Variants in TNFRSF11A observed in about 807,000 individuals in gnomAD.
TNFRSF11A encodes TNF receptor superfamily member 11a.
In TNFRSF11A, 32 loss-of-function variants were observed where a neutral mutation model predicts 55.7. The ratio of observed to expected loss-of-function variants is 0.57; its 90% confidence interval spans 0.43 to 0.77. TNFRSF11A has a LOEUF of 0.77. Ranked by LOEUF, TNFRSF11A falls within the 30% of genes least tolerant of loss-of-function variation. TNFRSF11A has a pLI of 0.00. For missense variants in TNFRSF11A, 753 were observed against 809.8 expected (o/e 0.93, Z 0.85); for synonymous variants, 311 against 331.0 (o/e 0.94, Z 0.65).
At chr18:62,374,570 C>A (rs749928649) in intron 9 of TNFRSF11A, among the ~76,000 whole-genome samples, 1 of 152,244 alleles carries the variant, frequency 6.6e-6, no homozygotes, top group Non-Finnish European at 1.5e-5. Context: ...TGGCATAGTT[C>A]TTGTGATTTA....
chr18:62,366,238 T>C (rs888974594), intron 7 of TNFRSF11A, among the ~76,000 whole-genome samples: 6 of 152,234 alleles, frequency 3.9e-5, no homozygotes, highest in Admixed American at 3.9e-4. Flanking sequence ...GTGGTCATAA[T>C]ACTGAGCCTG....
In TNFRSF11A at chr18:62,354,440, C is replaced by G. The variant is rs1355572456; in HGVS notation, c.333C>G (p.Arg111=). 4 of 1,598,734 alleles carry G rather than the reference C, an allele frequency of 2.5e-6. No individual in the cohort carries two copies. The highest frequency in any genetic ancestry group is 3.4e-6 in the Non-Finnish European group (4 of 1,178,228). ...CCGGCAACAGCACGACCCCCCGGCG[C>G]TGCGCGTGCACGGCTGGGTACCACT... The part of the protein sequence containing the change: ...VVAGNSTTPR[R]CACTAGYHWS... The change falls in exon 4 of 10, where the codon CGC becomes CGG. Residue 111 remains arginine (R), a synonymous_variant. Coordinates refer to ENST00000586569, the MANE Select transcript of TNFRSF11A (RefSeq NM_003839.4).
chr18:62,375,491 A>G (rs1485149103), intron 9 of TNFRSF11A, among the ~76,000 whole-genome samples: 1 of 152,204 alleles, frequency 6.6e-6, no homozygotes, highest in African/African-American at 2.4e-5. Flanking sequence ...ACTTTTGGGT[A>G]GCCTTCAAAT....
intron 2 of TNFRSF11A, 34 bp from the exon 3 acceptor site, chr18:62,349,778 T>C (rs76735190): frequency 6.2e-7 from 1 of 1,612,922 alleles, no homozygotes; most frequent in South Asian, 1.1e-5. Context: ...TTTGGTTTTT[T>C]GATGGTTGCA....
At chr18:62,351,794 G>A (rs2046476819) in intron 3 of TNFRSF11A, among the ~76,000 whole-genome samples, 1 of 152,148 alleles carries the variant, frequency 6.6e-6, no homozygotes, top group Non-Finnish European at 1.5e-5. Context: ...TGCAGTTATT[G>A]TTGCTGTTGT....
At chr18:62,361,864 T>C in intron 7 of TNFRSF11A, 71 bp downstream of exon 7, 1 of 1,338,688 alleles carries the variant, frequency 7.5e-7, no homozygotes, top group Admixed American at 1.7e-5. Flanking sequence ...CTTTGGAAGT[T>C]GAGTAGATTG....
intron 9 of TNFRSF11A, among the ~76,000 whole-genome samples, chr18:62,382,700 C>T (rs369284225): frequency 6.6e-6 from 1 of 152,076 alleles, no homozygotes; most frequent in Non-Finnish European, 1.5e-5. Flanking sequence ...ATTTTGAAAC[C>T]AGAAGTCCTT....
rs2046503032 is a variant in TNFRSF11A at position 62,353,433 on chromosome 18, A to G, written c.284-958A>G. ...AGTTGGGGGCTGTTGTAAGCAGGGAAATCACCAACAAAAAGCTCGTTTACC... is the reference window on the plus strand; with the variant it reads ...AGTTGGGGGCTGTTGTAAGCAGGGAGATCACCAACAAAAAGCTCGTTTACC... On this transcript the variant is annotated intron_variant, in intron 3 of 9. Coordinates refer to ENST00000586569, the MANE Select transcript of TNFRSF11A (RefSeq NM_003839.4). Among the ~76,000 whole-genome samples, 3 of 152,284 alleles carry G rather than the reference A, an allele frequency of 2.0e-5. No individual in the cohort carries two copies. In the South Asian group the frequency reaches 6.2e-4, roughly 32 times the overall value.
chr18:62,390,911 T>C lies in TNFRSF11A; in HGVS notation c.*5877T>C, dbSNP rs954876772. 2 of 152,250 alleles carry C rather than the reference T, an allele frequency of 1.3e-5. No individual in the cohort carries two copies. The highest frequency in any genetic ancestry group is 2.9e-5 in the Non-Finnish European group (2 of 68,050). 9.4% of individuals were successfully genotyped at this position (152,250 alleles called of 1,614,324 possible). On this transcript the variant is annotated 3_prime_UTR_variant, in exon 10 of 10. Coordinates refer to ENST00000586569, the MANE Select transcript of TNFRSF11A (RefSeq NM_003839.4). ...ATTCACCCTTTTTAGATATATAGTTTTATGAGTTTTAACAAAAATACATAG... is the reference window on the plus strand; with the variant it reads ...ATTCACCCTTTTTAGATATATAGTTCTATGAGTTTTAACAAAAATACATAG...
intron 9 of TNFRSF11A, among the ~76,000 whole-genome samples, chr18:62,371,360 AAG>A (rs375010915): frequency 4.7e-4 from 72 of 151,940 alleles, no homozygotes; most frequent in African/African-American, 1.5e-3. Flanking sequence ...GCCAGATTTA[AAG>A]AGAGAGAGAG....
intron 9 of TNFRSF11A, among the ~76,000 whole-genome samples, chr18:62,376,779 T>G (rs1306565833): frequency 2.0e-5 from 3 of 152,248 alleles, no homozygotes; most frequent in Non-Finnish European, 4.4e-5. Context: ...ATCTTTCTAC[T>G]GTCTCCATAG....
intron 1 of TNFRSF11A, among the ~76,000 whole-genome samples, chr18:62,331,148 G>T (rs1403686170): frequency 2.0e-5 from 3 of 152,062 alleles, no homozygotes; most frequent in Non-Finnish European, 4.4e-5. Flanking sequence ...AGGTTACAGT[G>T]AACCGAGTGG....
At chr18:62,363,285 A>G (rs1400286641) in intron 7 of TNFRSF11A, among the ~76,000 whole-genome samples, 1 of 152,022 alleles carries the variant, frequency 6.6e-6, no homozygotes, top group East Asian at 1.9e-4. Context: ...AACACTAGAC[A>G]ATCAGAAGAT....
chr18:62,333,950 C>T (rs181435349), intron 1 of TNFRSF11A, among the ~76,000 whole-genome samples: 164 of 152,096 alleles, frequency 1.1e-3, no homozygotes, highest in African/African-American at 3.6e-3. Flanking sequence ...CTGCAACCTC[C>T]GCCTCCCCCA....
rs1471099435 is a variant in TNFRSF11A at position 62,325,537 on chromosome 18, G to T, written c.75+110G>T. ...GCTCCTCCGCCTTCCGAGAGGAGCC[G>T]GAGTTTTGGGGAGCGGAGGCCGTGG... On this transcript the variant is annotated intron_variant, in intron 1 of 9. Coordinates refer to ENST00000586569, the MANE Select transcript of TNFRSF11A (RefSeq NM_003839.4). The surrounding 1 kb of genome is among the most constrained non-coding windows in gnomAD (Gnocchi z 4.7). The T allele has an allele frequency of 1.7e-6, 1 of 592,070 alleles. No homozygotes were observed. The highest frequency in any genetic ancestry group is 2.2e-6 in the Non-Finnish European group (1 of 457,630). The allele number at this position is 592,070 out of a possible 1,614,324, so 36.7% of individuals were successfully genotyped here. A position where few individuals can be genotyped will look rare whatever the true frequency, so the allele number is the denominator to read the frequency against.
In TNFRSF11A at chr18:62,388,402, G is replaced by A. The variant is rs1349972371; in HGVS notation, c.*3368G>A. ...TCTGTGGGCCAAAGCAGGTCACAAA[G>A]GCAGCCCAGATCCAAGGGATGGGGG... On this transcript the variant is annotated 3_prime_UTR_variant, in exon 10 of 10. Coordinates refer to ENST00000586569, the MANE Select transcript of TNFRSF11A (RefSeq NM_003839.4). 6.6e-6 allele frequency: 1 copy of A among 152,320 alleles called. No individual in the cohort carries two copies. The highest frequency in any genetic ancestry group is 1.5e-5 in the Non-Finnish European group (1 of 68,108). The allele number at this position is 152,320 out of a possible 1,614,324, so 9.4% of individuals were successfully genotyped here.
chr18:62,379,735 C>T (rs1357762424), intron 9 of TNFRSF11A, among the ~76,000 whole-genome samples: 2 of 152,092 alleles, frequency 1.3e-5, no homozygotes, highest in Non-Finnish European at 2.9e-5. Flanking sequence ...TAGACCCATT[C>T]GCAAAGGACA....
rs541779094 is a variant in TNFRSF11A, at chr18:62,389,113, T to A, written c.*4079T>A. ...CCCTAAACACTCTGTTGGTGAATCA[T>A]CATGTTTATTGAGTGTGCTTTTAGT... On this transcript the variant is annotated 3_prime_UTR_variant, in exon 10 of 10. Coordinates refer to ENST00000586569, the MANE Select transcript of TNFRSF11A (RefSeq NM_003839.4). 12 of 152,222 alleles carry A rather than the reference T, an allele frequency of 7.9e-5. No homozygotes were observed. The highest frequency in any genetic ancestry group is 1.5e-4 in the Non-Finnish European group (10 of 68,092). The allele number at this position is 152,222 out of a possible 1,614,324, so 9.4% of individuals were successfully genotyped here. A position where few individuals can be genotyped will look rare whatever the true frequency, so the allele number is the denominator to read the frequency against.
At chr18:62,334,474 G>C (rs953993092) in intron 1 of TNFRSF11A, among the ~76,000 whole-genome samples, 20 of 152,230 alleles carry the variant, frequency 1.3e-4, no homozygotes, top group African/African-American at 4.8e-4. Flanking sequence ...GCTCTGTGTA[G>C]GGTGGGAGGA....
Sources: gnomAD v4.1 joint callset for allele counts (sites outside exome capture counted in the v4.1 genomes callset) on GRCh38, gnomAD v4.1.1 for gene constraint, Gnocchi (gnomAD v3.1) non-coding constraint, MANE v1.5 for transcripts, NCBI Gene and HGNC (gene_info 2026-07-23, HGNC 2026-07-21) for gene names.